The following SEC14L6 variants were observed in gnomAD, a reference collection of about 807,000 sequenced individuals.
SEC14L6 encodes SEC14-like protein 6.
A neutral mutation model predicts 54.1 loss-of-function variants in SEC14L6; 40 were observed. The ratio of observed to expected loss-of-function variants is 0.74; its 90% confidence interval spans 0.57 to 0.96. SEC14L6 has a LOEUF of 0.96. SEC14L6 is among the 40% of genes least tolerant of loss of function. The probability of loss-of-function intolerance (pLI) is 0.00; values close to 1 mark genes in which losing one functional copy is unlikely to be tolerated. For missense variants in SEC14L6, 471 were observed against 498.3 expected, an observed-to-expected ratio of 0.95 and a Z score of 0.52; for synonymous variants, 171 against 198.4, an observed-to-expected ratio of 0.86 and a Z score of 1.16.
intron 8 of SEC14L6, among the ~76,000 whole-genome samples, chr22:30,528,422 C>CCTT (rs773969166): frequency 2.8e-5 from 3 of 105,536 alleles, no homozygotes; most frequent in African/African-American, 1.2e-4. Flanking sequence ...CGCTCGGCCT[C>CCTT]TTTTTTTTTT....
intron 5 of SEC14L6, 197 bp from the exon 6 acceptor site, chr22:30,532,195 C>T: frequency 1.0e-6 from 1 of 985,460 alleles, no homozygotes; most frequent in Non-Finnish European, 1.2e-6. Flanking sequence ...TGTGTCTGTC[C>T]ATGGGAGGCC....
In SEC14L6 at chr22:30,524,902, TC is replaced by T. The variant is rs1936712352; in HGVS notation, c.*94del. On this transcript the variant is annotated 3_prime_UTR_variant, in exon 12 of 12. Transcript: ENST00000402034. The stretch of plus-strand genomic sequence containing the variant: ...TGACCTGCTGTTGTAGAATCCCTGT[TC>T]CTGAGAGGTTGAACAGGGTCTGGCC... 2.8e-6 allele frequency: 2 copies of T among 709,544 alleles called. No homozygotes were observed. Among genetic ancestry groups the T allele is most frequent in the South Asian group, 3.2e-5 (2 of 62,666 alleles). 44.0% of individuals were successfully genotyped at this position (709,544 alleles called of 1,614,324 possible).
intron 2 of SEC14L6, among the ~76,000 whole-genome samples, chr22:30,538,052 G>A (rs754658676): frequency 6.6e-6 from 1 of 152,060 alleles, no homozygotes; most frequent in Admixed American, 6.6e-5. Flanking sequence ...AGAAATGATG[G>A]AATTTGGCCA....
intron 9 of SEC14L6, 22 bp from the exon 10 acceptor site, chr22:30,525,772 G>A: frequency 2.5e-6 from 4 of 1,613,790 alleles, no homozygotes; most frequent in Non-Finnish European, 3.4e-6. Context: ...GGGGGTGTGT[G>A]GGCACTAGGT....
At chr22:30,542,546 C>T in intron 1 of SEC14L6, 2 of 1,258,532 alleles carry the variant, frequency 1.6e-6, no homozygotes, top group Non-Finnish European at 1.0e-6. Flanking sequence ...TGCCTTCCAG[C>T]CCTCGCGGGC....
At chr22:30,534,298 A>C (rs972925736) in intron 2 of SEC14L6, among the ~76,000 whole-genome samples, 2 of 152,208 alleles carry the variant, frequency 1.3e-5, no homozygotes, top group Admixed American at 1.3e-4. Flanking sequence ...AGTCATTGAG[A>C]CAGCAGACCC....
intron 8 of SEC14L6, among the ~76,000 whole-genome samples, chr22:30,528,186 G>C (rs1470857192): frequency 6.8e-6 from 1 of 146,630 alleles, no homozygotes; most frequent in African/African-American, 2.5e-5. Context: ...GCACTGGCGC[G>C]ATCTCAGCTC....
rs536422201 is a variant in SEC14L6 at position 30,524,916 on chromosome 22, A to T, written c.*81T>A. On this transcript the variant is annotated 3_prime_UTR_variant, in exon 12 of 12. Transcript: ENST00000402034. ...AGAATCCCTGTTCCTGAGAGGTTGAACAGGGTCTGGCCAGGGAAGGCTGTG... is the reference window on the plus strand; with the variant it reads ...AGAATCCCTGTTCCTGAGAGGTTGATCAGGGTCTGGCCAGGGAAGGCTGTG... 3.9e-6 allele frequency: 3 copies of T among 761,746 alleles called. No homozygotes were observed. Among genetic ancestry groups the T allele is most frequent in the East Asian group, 2.7e-5 (1 of 37,040 alleles). The allele number at this position is 761,746 out of a possible 1,614,324, so 47.2% of individuals were successfully genotyped here.
Position 30,528,357 on chromosome 22 carries a change from G to A in SEC14L6, c.664+730C>T, listed in dbSNP as rs541133860. 3.5e-4 allele frequency among the ~76,000 whole-genome samples: 52 copies of A among 149,786 alleles called. No homozygotes were observed. In the South Asian group the frequency reaches 0.01, roughly 29 times the overall value. On this transcript the variant is annotated intron_variant, in intron 8 of 11. Transcript: ENST00000402034. ...AGGCTGGTCTTGAACTCCAGACCTC[G>A]TGATCCACCCACCTCGGCCTCCCAA...
chr22:30,530,341 C>T (rs1448980009), intron 6 of SEC14L6, among the ~76,000 whole-genome samples: 3 of 152,086 alleles, frequency 2.0e-5, no homozygotes, highest in South Asian at 2.1e-4. Context: ...ACCCGTTAGG[C>T]GGAGGCTGCA....
intron 1 of SEC14L6, among the ~76,000 whole-genome samples, chr22:30,539,791 G>T (rs775316997): frequency 2.6e-5 from 4 of 152,204 alleles, no homozygotes. Context: ...GTAAAGACAT[G>T]GTTTGGCACC....
chr22:30,532,148 G>C, intron 5 of SEC14L6, 150 bp from the exon 6 acceptor site: 36 of 1,439,186 alleles, frequency 2.5e-5, no homozygotes, highest in Non-Finnish European at 3.3e-5. Flanking sequence ...CATCCCACAG[G>C]ATGCCAGGAC....
At chr22:30,545,350 T>TGTAAA (rs1246257845) in intron 1 of SEC14L6, among the ~76,000 whole-genome samples, 1 of 152,204 alleles carries the variant, frequency 6.6e-6, no homozygotes, top group East Asian at 1.9e-4. Context: ...CTGCTGTGAG[T>TGTAAA]GTAAAATACA....
At chr22:30,543,926 A>G in intron 1 of SEC14L6, 2 of 1,605,996 alleles carry the variant, frequency 1.2e-6, no homozygotes, top group Non-Finnish European at 1.7e-6. Context: ...CACACAGAGT[A>G]TGCCAGCATT....
chr22:30,532,409 C>T (rs1937008877), intron 5 of SEC14L6, 116 bp downstream of exon 5: 2 of 1,316,776 alleles, frequency 1.5e-6, no homozygotes, highest in Non-Finnish European at 1.0e-6. Flanking sequence ...ATTCACTCCA[C>T]AGTACCAGGA....
chr22:30,544,049 CAG>C (rs2085771792), intron 1 of SEC14L6: 13 of 1,531,612 alleles, frequency 8.5e-6, no homozygotes, highest in Non-Finnish European at 9.0e-6. Context: ...CTGTCCTTCT[CAG>C]AGTATGCCAG....
At chr22:30,546,467 A>G (rs1345834591) in intron 1 of SEC14L6, among the ~76,000 whole-genome samples, 162 bp downstream of exon 1, 3 of 150,836 alleles carry the variant, frequency 2.0e-5, no homozygotes, top group Non-Finnish European at 4.4e-5. Context: ...TGGTATTTCT[A>G]TTGGTTAGTG....
chr22:30,545,077 C>T (rs1333265950), intron 1 of SEC14L6, among the ~76,000 whole-genome samples: 1 of 152,134 alleles, frequency 6.6e-6, no homozygotes, highest in Admixed American at 6.5e-5. Flanking sequence ...AAGGACCCGT[C>T]GTTGCCTCCA....
Position 30,525,040 on chromosome 22 carries a change from A to C in SEC14L6, c.1151T>G (p.Leu384Arg). ...CTCCATGAAGGTTTGGTCTGGGAGCAGTACCTCCACGGTGTAGCTGATGCG... is the reference window on the plus strand; with the variant it reads ...CTCCATGAAGGTTTGGTCTGGGAGCCGTACCTCCACGGTGTAGCTGATGCG... ...SKRISYTVEVLLPDQTFMEKM... is the reference protein window; with the variant it reads ...SKRISYTVEVRLPDQTFMEKM... The change falls in exon 12 of 12, where the codon CTG (leucine) becomes CGG (arginine). Residue 384 changes from leucine (L) to arginine (R), a missense_variant. By Grantham distance (102) the Leu-to-Arg change is moderately radical. Coordinates refer to ENST00000402034, the MANE Select transcript of SEC14L6 (RefSeq NM_001193336.4). 1 of 1,549,722 alleles carries C rather than the reference A, an allele frequency of 6.5e-7. No homozygotes were observed. Among genetic ancestry groups the C allele is most frequent in the South Asian group, 1.2e-5 (1 of 84,054 alleles).
Sources: allele counts gnomAD v4.1 joint callset (sites outside exome capture counted in the v4.1 genomes callset), GRCh38; gene constraint gnomAD v4.1.1; transcripts MANE v1.5; gene names NCBI Gene and HGNC (gene_info 2026-07-23, HGNC 2026-07-21).